Variants in CALN1 observed in about 807,000 individuals in gnomAD.
CALN1 encodes calneuron 1, also known as calcium-binding protein 8.
In CALN1, 17 loss-of-function variants were observed where a neutral mutation model predicts 30.6. The ratio of observed to expected loss-of-function variants is 0.56; its 90% CI spans 0.38 to 0.83. The LOEUF (loss-of-function observed/expected upper bound fraction) is 0.83. CALN1 is among the 40% of genes least tolerant of loss of function. The pLI, the probability that CALN1 is intolerant of heterozygous loss-of-function variation, is 0.00. For synonymous variants in CALN1, 156 were observed against 131.4 expected, an observed-to-expected ratio of 1.19 and a Z score of -1.28; for missense variants, 291 against 354.9, an observed-to-expected ratio of 0.82 and a Z score of 1.45.
In CALN1 at chr7:71,788,905, G is replaced by A. The variant is rs550180845; in HGVS notation, c.659-1003C>T. Among the ~76,000 whole-genome samples, 11 of 151,464 alleles carry A rather than the reference G, an allele frequency of 7.3e-5. No homozygotes were observed. The South Asian group carries it at 1.3e-3, about 17-fold the overall frequency. ...GATCTCCTGACCTTGTGATCTACCCGCCTTGGCCTCCCAAAGTGCTGGGAT... is the reference window on the plus strand; with the variant it reads ...GATCTCCTGACCTTGTGATCTACCCACCTTGGCCTCCCAAAGTGCTGGGAT... On this transcript the variant is annotated intron_variant, in intron 6 of 6. Coordinates refer to ENST00000395275, the MANE Select transcript of CALN1 (RefSeq NM_031468.4).
chr7:72,217,912 G>A (rs976351431), intron 3 of CALN1, among the ~76,000 whole-genome samples: 9 of 135,060 alleles, frequency 6.7e-5, no homozygotes, highest in Admixed American at 1.7e-4. Flanking sequence ...GCACTATCTC[G>A]GCTCACTGCA....
At chr7:72,228,941 T>G (rs2129550441) in intron 3 of CALN1, among the ~76,000 whole-genome samples, 1 of 149,820 alleles carries the variant, frequency 6.7e-6, no homozygotes, top group Middle Eastern at 3.4e-3. Context: ...TTTTTTTTTT[T>G]GTAGAGATGT....
intron 2 of CALN1, among the ~76,000 whole-genome samples, chr7:72,393,623 A>G (rs1431317766): frequency 6.6e-6 from 1 of 152,146 alleles, no homozygotes; most frequent in Non-Finnish European, 1.5e-5. Context: ...TCTGTCCCAC[A>G]GCTGGGCCCC....
At chr7:71,895,664 C>T (rs2051885) in intron 5 of CALN1, among the ~76,000 whole-genome samples, 57,974 of 151,926 alleles carry the variant, frequency 0.38, 13,090 homozygotes, top group African/African-American at 0.62. Context: ...AGAGTTATGA[C>T]AGAATGACAA....
chr7:71,862,394 G>A (rs894414808), intron 5 of CALN1, among the ~76,000 whole-genome samples: 1 of 152,164 alleles, frequency 6.6e-6, no homozygotes, highest in Non-Finnish European at 1.5e-5. Flanking sequence ...TCTTTCCCGT[G>A]CTGTTCTCAT....
intron 3 of CALN1, among the ~76,000 whole-genome samples, chr7:72,138,297 T>C (rs2129543254): frequency 6.6e-6 from 1 of 152,318 alleles, no homozygotes; most frequent in Admixed American, 6.5e-5. Flanking sequence ...ATTTTTTTTT[T>C]TAAACGTCTC....
At chr7:71,831,893 A>C (rs1264939100) in intron 5 of CALN1, among the ~76,000 whole-genome samples, 1 of 150,204 alleles carries the variant, frequency 6.7e-6, no homozygotes. Flanking sequence ...AAAAAAAAAA[A>C]AAAACAAACC....
chr7:71,940,001 T>A (rs759407790), intron 5 of CALN1, among the ~76,000 whole-genome samples: 2 of 152,230 alleles, frequency 1.3e-5, no homozygotes, highest in Non-Finnish European at 2.9e-5. Context: ...AGCCAGCTTA[T>A]AGAGGCTGCA....
At chr7:71,891,322 C>G (rs1185135161) in intron 5 of CALN1, among the ~76,000 whole-genome samples, 2 of 152,192 alleles carry the variant, frequency 1.3e-5, no homozygotes, top group Non-Finnish European at 2.9e-5. Context: ...ATTCTGGATA[C>G]CTGCTTCCCA....
intron 4 of CALN1, among the ~76,000 whole-genome samples, chr7:72,045,212 T>G (rs1473582483): frequency 6.6e-6 from 1 of 152,144 alleles, no homozygotes; most frequent in Non-Finnish European, 1.5e-5. Flanking sequence ...CAGGCACTAC[T>G]AGAAAGCACC....
At chr7:72,189,407 T>C (rs2129546695) in intron 3 of CALN1, among the ~76,000 whole-genome samples, 1 of 152,364 alleles carries the variant, frequency 6.6e-6, no homozygotes, top group African/African-American at 2.4e-5. Context: ...AAGAGGACTT[T>C]ATTATATTAG....
At chr7:72,423,336 CTTTCCTT>C (rs1807677930) in intron 1 of CALN1, among the ~76,000 whole-genome samples, 1 of 152,136 alleles carries the variant, frequency 6.6e-6, no homozygotes, top group African/African-American at 2.4e-5. Flanking sequence ...CTTATTTCCT[CTTTCCTT>C]TTTCATTTTA....
chr7:72,406,718 G>A (rs1806725687), intron 1 of CALN1, among the ~76,000 whole-genome samples: 1 of 151,798 alleles, frequency 6.6e-6, no homozygotes, highest in Non-Finnish European at 1.5e-5. Flanking sequence ...CCAGGTTCAA[G>A]CCATTCTCCT....
intron 4 of CALN1, 41 bp downstream of exon 4, chr7:72,106,110 G>C: frequency 2.5e-6 from 4 of 1,602,678 alleles, no homozygotes; most frequent in Non-Finnish European, 2.6e-6. Context: ...TGATGAGACC[G>C]GGGCATGTCT....
intron 3 of CALN1, among the ~76,000 whole-genome samples, chr7:72,129,521 G>A (rs1264965363): frequency 5.3e-5 from 8 of 152,152 alleles, no homozygotes; most frequent in Admixed American, 5.2e-4. Flanking sequence ...TGTTACACCT[G>A]TTAGGAGTGA....
the CALN1 span, among the ~76,000 whole-genome samples, chr7:72,458,809 A>G: frequency 7.7e-5 from 10 of 130,668 alleles, 2 homozygotes; most frequent in Non-Finnish European, 1.1e-4. Flanking sequence ...TACATAATAT[A>G]TTGTATTTAA....
intron 3 of CALN1, among the ~76,000 whole-genome samples, chr7:72,198,649 T>C (rs552630677): frequency 2.0e-5 from 3 of 152,128 alleles, no homozygotes; most frequent in Admixed American, 1.3e-4. Flanking sequence ...GTGACATTTA[T>C]AGCATGGGAC....
chr7:71,804,391 C>T (rs1787485308), intron 6 of CALN1, among the ~76,000 whole-genome samples: 1 of 152,074 alleles, frequency 6.6e-6, no homozygotes. Flanking sequence ...GCCTCTAGTC[C>T]CAGCTACTCA....
chr7:72,378,536 T>C (rs1461075740), intron 2 of CALN1, among the ~76,000 whole-genome samples: 1 of 152,190 alleles, frequency 6.6e-6, no homozygotes, highest in Non-Finnish European at 1.5e-5. Context: ...TGTCACTCTC[T>C]AGTTAATCAC....
Sources: allele counts gnomAD v4.1 joint callset (sites outside exome capture counted in the v4.1 genomes callset), GRCh38; gene constraint gnomAD v4.1.1; transcripts MANE v1.5; gene names NCBI Gene and HGNC (gene_info 2026-07-23, HGNC 2026-07-21).